The following SLC66A1 variants were observed in gnomAD, a reference collection of about 807,000 sequenced individuals.
SLC66A1 encodes the protein solute carrier family 66 member 1.
In SLC66A1, 23 loss-of-function variants were observed where a neutral mutation model predicts 33.0. The observed-to-expected ratio is 0.70, with a 90% CI of 0.50 to 0.99. The LOEUF (loss-of-function observed/expected upper bound fraction) is 0.99. SLC66A1 is among the 50% of genes least tolerant of loss of function. SLC66A1 has a pLI of 0.00. For missense variants in SLC66A1, 335 were observed against 383.6 expected, an observed-to-expected ratio of 0.87 and a Z score of 1.06; for synonymous variants, 164 against 175.5, an observed-to-expected ratio of 0.93 and a Z score of 0.52.
intron 2 of SLC66A1, among the ~76,000 whole-genome samples, chr1:19,319,274 CAGTCATTCTTCAT>C (rs988600642): frequency 3.3e-4 from 51 of 152,354 alleles, no homozygotes; most frequent in African/African-American, 1.1e-3. Flanking sequence ...TGCCCATCAG[CAGTCATTCTTCAT>C]TTCTCCCGGA....
chr1:19,326,620 C>T lies in SLC66A1; in HGVS notation c.615C>T (p.Thr205=), dbSNP rs776980202. 2.5e-6 allele frequency: 4 copies of T among 1,614,048 alleles called. No individual in the cohort carries two copies. The South Asian group carries it at 4.4e-5, about 18-fold the overall frequency. ...TTTCCCGGCTGCCTCAGATCCGCAC[C>T]AACGTGAGCCTCCAGCAGGGGCTGG... ...YLLSRLPQIR[T]NFLRKSTQGI... Residue 205 remains threonine, a synonymous_variant, in exon 6 of 8, where the codon ACC becomes ACT. Coordinates refer to ENST00000375153, the MANE Select transcript of SLC66A1 (RefSeq NM_001040125.2).
In SLC66A1 at chr1:19,324,769, C is replaced by T. The variant is rs371895572; in HGVS notation, c.294+7C>T. On this transcript the variant is annotated splice_region_variant and intron_variant, in intron 3 of 7. Coordinates refer to ENST00000375153, the MANE Select transcript of SLC66A1 (RefSeq NM_001040125.2). ...TGACCAGCTGCCCCTGCAGGTGGGC[C>T]GGTACCCGGGCAAGGTGGCGCTACC... The T allele has an allele frequency of 9.3e-6, 15 of 1,613,668 alleles. No homozygotes were observed. The African/African-American group carries it at 1.2e-4, about 13-fold the overall frequency.
rs113962325 is a variant in SLC66A1, at chr1:19,328,175, T to G, written c.805-397T>G. 1.4e-5 allele frequency: 3 copies of G among 208,678 alleles called. No individual in the cohort carries two copies. Among genetic ancestry groups the G allele is most frequent in the South Asian group, 4.5e-5 (1 of 22,252 alleles). The allele number at this position is 208,678 out of a possible 1,614,324, so 12.9% of individuals were successfully genotyped here. A position where few individuals can be genotyped will look rare whatever the true frequency, so the allele number is the denominator to read the frequency against. On this transcript the variant is annotated intron_variant, in intron 7 of 7. Coordinates refer to ENST00000375153, the MANE Select transcript of SLC66A1 (RefSeq NM_001040125.2). This position sits in a 1 kb window ranked among gnomAD's most constrained non-coding sequence, Gnocchi z 4.7. Reference sequence around the variant, plus strand: ...GGAGCAAGTAAACATGGCCTTTGTTTTAATATTTGTTAAGTCCCTGCCGGG... The same window carrying G: ...GGAGCAAGTAAACATGGCCTTTGTTGTAATATTTGTTAAGTCCCTGCCGGG...
downstream of SLC66A1, among the ~76,000 whole-genome samples, chr1:19,332,499 G>C (rs1031437613): frequency 6.6e-6 from 1 of 152,208 alleles, no homozygotes; most frequent in African/African-American, 2.4e-5. Flanking sequence ...GCCGGGTGCA[G>C]TGGTTCACGC....
intron 1 of SLC66A1, among the ~76,000 whole-genome samples, chr1:19,314,217 C>A (rs1182431440): frequency 1.3e-5 from 2 of 152,208 alleles, no homozygotes; most frequent in African/African-American, 2.4e-5. Flanking sequence ...TCAGAGTGTC[C>A]CGAGCTCCAC....
chr1:19,327,100 G>C, intron 6 of SLC66A1, 127 bp from the exon 7 acceptor site: 1 of 986,402 alleles, frequency 1.0e-6, no homozygotes, highest in South Asian at 1.6e-5. Context: ...CATATCCCTG[G>C]GCACCCAGGG....
At chr1:19,330,355 C>T (rs935438739), downstream of SLC66A1, among the ~76,000 whole-genome samples, 4 of 152,144 alleles carry the variant, frequency 2.6e-5, no homozygotes, top group East Asian at 1.9e-4. Context: ...TTCCCAGCCC[C>T]GGAGAAGGGA....
rs2152018347 is a variant in SLC66A1 at position 19,328,695 on chromosome 1, G to A, written c.*52G>A. On this transcript the variant is annotated 3_prime_UTR_variant, in exon 8 of 8. Transcript: ENST00000375153. The surrounding 1 kb of genome is among the most constrained non-coding windows in gnomAD (Gnocchi z 4.7). ...CAGGCACCACCGGATGCCACACCAG[G>A]CAGGAGGAGGTGTGGACAGTGATGG... is the stretch of plus-strand genomic sequence containing the variant. The A allele has an allele frequency of 6.3e-7, 1 of 1,580,066 alleles. No homozygotes were observed. Among genetic ancestry groups the A allele is most frequent in the Non-Finnish European group, 8.7e-7 (1 of 1,153,928 alleles).
At chr1:19,326,442 C>G in intron 5 of SLC66A1, 55 bp downstream of exon 5, 1 of 1,609,224 alleles carries the variant, frequency 6.2e-7, no homozygotes, top group South Asian at 1.1e-5. Context: ...CCCCAGGGCT[C>G]TCCCCTGCAC....
rs1407226017 is a variant in SLC66A1, at chr1:19,328,940, G to A, written c.*297G>A. On this transcript the variant is annotated 3_prime_UTR_variant, in exon 8 of 8. Coordinates refer to ENST00000375153, the MANE Select transcript of SLC66A1 (RefSeq NM_001040125.2). The surrounding 1 kb of genome is among the most constrained non-coding windows in gnomAD (Gnocchi z 4.7). ...CACAGCCACAGCCTGCTGGACTCAGGACTGTCCTGTCAACTCCAGACAACT... is the reference window on the plus strand; with the variant it reads ...CACAGCCACAGCCTGCTGGACTCAGAACTGTCCTGTCAACTCCAGACAACT... 2 of 517,528 alleles carry A rather than the reference G, an allele frequency of 3.9e-6. No homozygotes were observed. The highest frequency in any genetic ancestry group is 1.9e-5 in the African/African-American group (1 of 52,056). 32.1% of individuals were successfully genotyped at this position (517,528 alleles called of 1,614,324 possible). A position where few individuals can be genotyped will look rare whatever the true frequency, so the allele number is the denominator to read the frequency against.
At chr1:19,333,274 CT>C (rs2093897260), downstream of SLC66A1, among the ~76,000 whole-genome samples, 1 of 152,140 alleles carries the variant, frequency 6.6e-6, no homozygotes, top group Admixed American at 6.5e-5. This position sits in a 1 kb window ranked among gnomAD's most constrained non-coding sequence, Gnocchi z 4.2. Flanking sequence ...GTGGTACGAT[CT>C]TGGCTTACTG....
At chr1:19,316,353 TTGTGTGTGTGTGTGTGTGTGTGTG>T (rs36226389) in intron 1 of SLC66A1, among the ~76,000 whole-genome samples, 5 of 144,818 alleles carry the variant, frequency 3.5e-5, no homozygotes, top group East Asian at 4.1e-4. Context: ...TCTTTATGGT[TTGTGTGTGTGTGTGTGTGTGTGTG>T]TGTGTGTGTG....
At position 19,328,082 on chromosome 1, in the gene SLC66A1, C is replaced by T. The variant is rs1298277929; in HGVS notation, c.805-490C>T. 9 of 258,828 alleles carry T rather than the reference C, an allele frequency of 3.5e-5. No homozygotes were observed. The highest frequency in any genetic ancestry group is 1.0e-4 in the Admixed American group (2 of 19,410). 16.0% of individuals were successfully genotyped at this position (258,828 alleles called of 1,614,324 possible). The stretch of plus-strand genomic sequence containing the variant: ...TCTGGAAACACTCCCCACAGGACCC[C>T]GTTTTCAGTGAGGGCTCAGAAAGTG... On this transcript the variant is annotated intron_variant, in intron 7 of 7. Coordinates refer to ENST00000375153, the MANE Select transcript of SLC66A1 (RefSeq NM_001040125.2). The surrounding 1 kb of genome is among the most constrained non-coding windows in gnomAD (Gnocchi z 4.7).
intron 1 of SLC66A1, among the ~76,000 whole-genome samples, chr1:19,316,740 C>T (rs557574005): frequency 1.2e-4 from 18 of 151,972 alleles, no homozygotes; most frequent in Non-Finnish European, 2.5e-4. Flanking sequence ...GATCATGGCT[C>T]TCTATAGCCT....
chr1:19,325,221 C>T (rs1013272646), intron 3 of SLC66A1, among the ~76,000 whole-genome samples: 11 of 152,180 alleles, frequency 7.2e-5, no homozygotes, highest in Admixed American at 7.2e-4. Context: ...ATCACTTCAC[C>T]GCGGAGTCCC....
chr1:19,324,559 G>A, intron 2 of SLC66A1, 74 bp from the exon 3 acceptor site: 1 of 1,572,764 alleles, frequency 6.4e-7, no homozygotes, highest in Non-Finnish European at 8.7e-7. Context: ...TCTCCTCTGG[G>A]CGGTGTCCCC....
In SLC66A1 at chr1:19,326,293, G is replaced by T; in HGVS notation, c.431G>T (p.Cys144Phe). Reference protein sequence around the residue: ...SVLLFLMGMACATPLLSAAGP... With the variant: ...SVLLFLMGMAFATPLLSAAGP... Reference sequence around the variant, plus strand: ...CTGTTGTTCCTCATGGGGATGGCGTGCGCCACACCGCTGCTGAGTGCTGCT... The same window carrying T: ...CTGTTGTTCCTCATGGGGATGGCGTTCGCCACACCGCTGCTGAGTGCTGCT... Residue 144 changes from cysteine to phenylalanine, a missense_variant, in exon 5 of 8, where the codon TGC becomes TTC. Physicochemically the swap from Cys to Phe is radical, Grantham distance 205. Transcript: ENST00000375153. 1 of 1,606,936 alleles carries T rather than the reference G, an allele frequency of 6.2e-7. No homozygotes were observed.
intron 7 of SLC66A1, chr1:19,327,975 C>G (rs2093878301): frequency 3.9e-6 from 1 of 257,122 alleles, no homozygotes; most frequent in Non-Finnish European, 7.8e-6. Context: ...ACGCAGGGCA[C>G]ACAGTCAACC....
chr1:19,322,630 G>GT (rs547932204), intron 2 of SLC66A1, among the ~76,000 whole-genome samples: 125 of 152,292 alleles, frequency 8.2e-4, no homozygotes, highest in African/African-American at 2.8e-3. Context: ...AGCGGAGCTC[G>GT]TGTCGGGGAG....
Sources: gnomAD v4.1 joint callset for allele counts (sites outside exome capture counted in the v4.1 genomes callset) on GRCh38, gnomAD v4.1.1 for gene constraint, Gnocchi (gnomAD v3.1) non-coding constraint, MANE v1.5 for transcripts, NCBI Gene and HGNC (gene_info 2026-07-23, HGNC 2026-07-21) for gene names.